B4GALT7: variants seen among roughly 807,000 people sequenced by gnomAD.
B4GALT7 encodes the protein beta-1,4-galactosyltransferase 7, also known as UDP-Gal:beta-GlcNAc beta-1,4-galactosyltransferase 7.
In B4GALT7, 30 loss-of-function variants were observed where a neutral mutation model predicts 33.0. That is an observed-to-expected ratio of 0.91 (90% CI 0.68 to 1.23). The LOEUF (loss-of-function observed/expected upper bound fraction) is 1.23. Among genes scored for constraint, B4GALT7 ranks in the 50% most tolerant of loss-of-function variants. B4GALT7 has a pLI of 0.00. For missense variants in B4GALT7, 507 were observed against 450.8 expected (o/e 1.12, Z -1.13); for synonymous variants, 213 against 187.2 (o/e 1.14, Z -1.13).
At chr5:177,603,084 T>C in intron 1 of B4GALT7, 5 of 452,790 alleles carry the variant, frequency 1.1e-5, no homozygotes, top group Non-Finnish European at 1.5e-5. Flanking sequence ...GGTGTTACCA[T>C]ATTTGCCAGG....
At position 177,606,929 on chromosome 5, in the gene B4GALT7, C is replaced by G. The variant is rs1224524979; in HGVS notation, c.414-373C>G. The stretch of plus-strand genomic sequence containing the variant: ...GTTCCCCTGGCCCTCCCTGACGGCC[C>G]CACCGAGGACAAGAGCCACCTCCAC... On this transcript the variant is annotated intron_variant, in intron 2 of 5. Coordinates refer to ENST00000029410, the MANE Select transcript of B4GALT7 (RefSeq NM_007255.3). The surrounding 1 kb of genome is among the most constrained non-coding windows in gnomAD (Gnocchi z 4.2). The G allele has an allele frequency of 1.3e-5, 5 of 370,982 alleles. No individual in the cohort carries two copies. Among genetic ancestry groups the G allele is most frequent in the Non-Finnish European group, 2.1e-5 (4 of 191,322 alleles). 23.0% of individuals were successfully genotyped at this position (370,982 alleles called of 1,614,324 possible). A position where few individuals can be genotyped will look rare whatever the true frequency, so the allele number is the denominator to read the frequency against.
Position 177,608,719 on chromosome 5 carries a change from G to A in B4GALT7, c.723+97G>A. Reference sequence around the variant, plus strand: ...ATGAAGCTCCTGGGGTCTGGAGATGGCCCTGATTCTGATCCCTGCCCTAAC... The same window carrying A: ...ATGAAGCTCCTGGGGTCTGGAGATGACCCTGATTCTGATCCCTGCCCTAAC... On this transcript the variant is annotated intron_variant, in intron 4 of 5. Coordinates refer to ENST00000029410, the MANE Select transcript of B4GALT7 (RefSeq NM_007255.3). This position sits in a 1 kb window ranked among gnomAD's most constrained non-coding sequence, Gnocchi z 4.1. The A allele has an allele frequency of 2.4e-6, 3 of 1,273,790 alleles. No individual in the cohort carries two copies. The highest frequency in any genetic ancestry group is 3.4e-6 in the Non-Finnish European group (3 of 890,812). The allele number at this position is 1,273,790 out of a possible 1,614,324, so 78.9% of individuals were successfully genotyped here.
At position 177,604,388 on chromosome 5, in the gene B4GALT7, A is replaced by G; in HGVS notation, c.260A>G (p.Asp87Gly). The G allele has an allele frequency of 6.2e-7, 1 of 1,613,348 alleles. No individual in the cohort carries two copies. The highest frequency in any genetic ancestry group is 2.2e-5 in the East Asian group (1 of 44,846). The change falls in exon 2 of 6, where the codon GAC becomes GGC. Residue 87 changes from aspartate to glycine, a missense_variant. Coordinates refer to ENST00000029410, the MANE Select transcript of B4GALT7 (RefSeq NM_007255.3). ...PEPPPEHWEE[D>G]ASWGPHRLAV... The stretch of plus-strand genomic sequence containing the variant: ...CCGCCCCCTGAGCACTGGGAAGAAG[A>G]CGCATCCTGGGGCCCCCACCGCCTG...
rs1767919453 is a variant in B4GALT7, at chr5:177,604,323, G to A, written c.195G>A (p.Gly65=). ...TGGCCCGGGCAGTCAGGGGACAAGG[G>A]CAGGAGACCTCGGGCCCTCCCCGTG... ...GDVARAVRGQ[G]QETSGPPRAC... is the part of the protein sequence containing the mutation. The change falls in exon 2 of 6, where the codon GGG becomes GGA. Residue 65 remains glycine, a synonymous_variant. Coordinates refer to ENST00000029410, the MANE Select transcript of B4GALT7 (RefSeq NM_007255.3). 2 of 1,610,864 alleles carry A rather than the reference G, an allele frequency of 1.2e-6. No homozygotes were observed. The highest frequency in any genetic ancestry group is 2.2e-5 in the East Asian group (1 of 44,734).
At chr5:177,602,851 T>C in intron 1 of B4GALT7, 1 of 978,026 alleles carries the variant, frequency 1.0e-6, no homozygotes, top group Non-Finnish European at 1.2e-6. Flanking sequence ...TGAGGAAGGA[T>C]CAGAGGGGGA....
At chr5:177,602,670 C>T (rs1767875811) in intron 1 of B4GALT7, 1 of 170,734 alleles carries the variant, frequency 5.9e-6, no homozygotes, top group Admixed American at 6.5e-5. Context: ...TGGAGAAGCT[C>T]CGAGGTGCCC....
intron 1 of B4GALT7, among the ~76,000 whole-genome samples, chr5:177,602,520 G>C (rs1767873220): frequency 6.6e-6 from 1 of 152,118 alleles, no homozygotes; most frequent in Non-Finnish European, 1.5e-5. Flanking sequence ...GGAGCATTAT[G>C]GGGGCAGGGG....
In B4GALT7 at chr5:177,608,520, C is replaced by A; in HGVS notation, c.640-19C>A. 4 of 1,608,378 alleles carry A rather than the reference C, an allele frequency of 2.5e-6. No homozygotes were observed. Among genetic ancestry groups the A allele is most frequent in the Non-Finnish European group, 3.4e-6 (4 of 1,175,806 alleles). On this transcript the variant is annotated intron_variant, in intron 3 of 5. Coordinates refer to ENST00000029410, the MANE Select transcript of B4GALT7 (RefSeq NM_007255.3). This position sits in a 1 kb window ranked among gnomAD's most constrained non-coding sequence, Gnocchi z 4.1. ...CCCCGGGAAGATGGGCCGAGTGACG[C>A]TGCTTGTCTCTGTGTCAGTGCAATG...
chr5:177,607,636 C>A, intron 3 of B4GALT7, 109 bp downstream of exon 3: 1 of 1,115,904 alleles, frequency 9.0e-7, no homozygotes, highest in Non-Finnish European at 1.3e-6. Flanking sequence ...GAGCCCTGCC[C>A]TGGCCTAGCA....
chr5:177,604,408 C>G lies in B4GALT7; in HGVS notation c.280C>G (p.Arg94Gly), dbSNP rs926736424. ...AGAAGACGCATCCTGGGGCCCCCAC[C>G]GCCTGGCAGTGCTGGTGCCCTTCCG... ...WEEDASWGPH[R>G]LAVLVPFRER... The change falls in exon 2 of 6, where the codon CGC (arginine) becomes GGC (glycine). Residue 94 changes from arginine to glycine, a missense_variant. Coordinates refer to ENST00000029410, the MANE Select transcript of B4GALT7 (RefSeq NM_007255.3). 1 of 1,613,890 alleles carries G rather than the reference C, an allele frequency of 6.2e-7. No homozygotes were observed. Among genetic ancestry groups the G allele is most frequent in the Non-Finnish European group, 8.5e-7 (1 of 1,179,882 alleles).
Position 177,600,654 on chromosome 5 carries a change from C to G in B4GALT7, c.50+394C>G, listed in dbSNP as rs531207298. Among the ~76,000 whole-genome samples, 13 of 152,194 alleles carry G rather than the reference C, an allele frequency of 8.5e-5. No individual in the cohort carries two copies. Among genetic ancestry groups the G allele is most frequent in the South Asian group, 2.1e-4 (1 of 4,834 alleles). On this transcript the variant is annotated intron_variant, in intron 1 of 5. Coordinates refer to ENST00000029410, the MANE Select transcript of B4GALT7 (RefSeq NM_007255.3). This position sits in a 1 kb window ranked among gnomAD's most constrained non-coding sequence, Gnocchi z 4.4. ...TGCGGGTCTCTGACTCCGCTGACCT[C>G]TCACCATGGATTTGTGTTTCTCAAT... is the stretch of plus-strand genomic sequence containing the variant.
In B4GALT7 at chr5:177,609,026, G is replaced by GCTC; in HGVS notation, c.828+16_828+18dup. ...CAGCTCAAAAACAGGTGCTGGCAGG[G>GCTC]CTCCTCATTGGGGACAGATAGGTGG... On this transcript the variant is annotated intron_variant, in intron 5 of 5. Coordinates refer to ENST00000029410, the MANE Select transcript of B4GALT7 (RefSeq NM_007255.3). 6.2e-7 allele frequency: 1 copy of GCTC among 1,605,832 alleles called. No homozygotes were observed. Among genetic ancestry groups the GCTC allele is most frequent in the Non-Finnish European group, 8.5e-7 (1 of 1,177,218 alleles).
At chr5:177,604,123 C>T in intron 1 of B4GALT7, 56 bp from the exon 2 acceptor site, 2 of 1,610,824 alleles carry the variant, frequency 1.2e-6, no homozygotes, top group East Asian at 2.2e-5. Flanking sequence ...GAGAACGGGT[C>T]TGTCACAGGG....
chr5:177,608,176 C>G lies in B4GALT7; in HGVS notation c.640-363C>G. ...GTGTCTGTCATGGAACCCTGCTACC[C>G]CTCTCACACACACAGGAAGAGATGA... On this transcript the variant is annotated intron_variant, in intron 3 of 5. Coordinates refer to ENST00000029410, the MANE Select transcript of B4GALT7 (RefSeq NM_007255.3). The surrounding 1 kb of genome is among the most constrained non-coding windows in gnomAD (Gnocchi z 4.1). The G allele has an allele frequency of 3.2e-6, 1 of 308,822 alleles. No individual in the cohort carries two copies. Among genetic ancestry groups the G allele is most frequent in the Non-Finnish European group, 6.2e-6 (1 of 161,298 alleles). The allele number at this position is 308,822 out of a possible 1,614,324, so 19.1% of individuals were successfully genotyped here.
chr5:177,610,007 G>C lies in B4GALT7; in HGVS notation c.*312G>C. 2.3e-6 allele frequency: 1 copy of C among 442,342 alleles called. No individual in the cohort carries two copies. The highest frequency in any genetic ancestry group is 4.2e-6 in the Non-Finnish European group (1 of 236,174). The allele number at this position is 442,342 out of a possible 1,614,324, so 27.4% of individuals were successfully genotyped here. ...CGTGCCCAGGCCTGTGGGTAGTGGG[G>C]AGGGCTGAACAGGACAACCTCTCAT... On this transcript the variant is annotated 3_prime_UTR_variant, in exon 6 of 6. Transcript: ENST00000029410.
In B4GALT7 at chr5:177,608,597, G is replaced by T. The variant is rs780268052; in HGVS notation, c.698G>T (p.Arg233Leu). Residue 233 changes from arginine (R) to leucine (L), a missense_variant, in exon 4 of 6, where the codon CGG becomes CTG. Arg to Leu is a moderately radical substitution (Grantham distance 102, BLOSUM62 -2). Coordinates refer to ENST00000029410, the MANE Select transcript of B4GALT7 (RefSeq NM_007255.3). The surrounding 1 kb of genome is among the most constrained non-coding windows in gnomAD (Gnocchi z 4.1). ...GWGREDDEFY[R>L]RIKGAGLQLF... The stretch of plus-strand genomic sequence containing the variant: ...GGCCGCGAGGACGACGAGTTCTACC[G>T]GCGCATTAAGGGAGCTGGGCTCCAG... 6.2e-7 allele frequency: 1 copy of T among 1,613,780 alleles called. No homozygotes were observed. Among genetic ancestry groups the T allele is most frequent in the East Asian group, 2.2e-5 (1 of 44,870 alleles).
At position 177,609,796 on chromosome 5, in the gene B4GALT7, G is replaced by C. The variant is rs946248459; in HGVS notation, c.*101G>C. On this transcript the variant is annotated 3_prime_UTR_variant, in exon 6 of 6. Coordinates refer to ENST00000029410, the MANE Select transcript of B4GALT7 (RefSeq NM_007255.3). ...CCCAGCTCTGACAGGATGTGGAGTG[G>C]CCAGGACCAAGACAGCAAGCTACGC... 2.7e-6 allele frequency: 4 copies of C among 1,478,082 alleles called. No homozygotes were observed. The highest frequency in any genetic ancestry group is 2.3e-4 in the Middle Eastern group (1 of 4,292). 91.6% of individuals were successfully genotyped at this position (1,478,082 alleles called of 1,614,324 possible).
intron 1 of B4GALT7, among the ~76,000 whole-genome samples, chr5:177,603,839 A>C (rs1767902746): frequency 6.6e-6 from 1 of 152,098 alleles, no homozygotes; most frequent in South Asian, 2.1e-4. Flanking sequence ...GAGCACCTGC[A>C]AGTGACAGGA....
chr5:177,602,519 T>TGGGGGCA (rs1445507912), intron 1 of B4GALT7, among the ~76,000 whole-genome samples: 8 of 151,934 alleles, frequency 5.3e-5, no homozygotes, highest in Admixed American at 4.6e-4. Flanking sequence ...GGGAGCATTA[T>TGGGGGCA]GGGGGCAGGG....
Sources: gnomAD v4.1 joint callset for allele counts (sites outside exome capture counted in the v4.1 genomes callset) on GRCh38, gnomAD v4.1.1 for gene constraint, Gnocchi (gnomAD v3.1) non-coding constraint, MANE v1.5 for transcripts, NCBI Gene and HGNC (gene_info 2026-07-23, HGNC 2026-07-21) for gene names.